Variants in ST7 observed in about 807,000 individuals in gnomAD.
ST7 encodes suppressor of tumorigenicity 7 protein.
In ST7, 28 loss-of-function variants were observed where a neutral mutation model predicts 78.7. The observed-to-expected ratio is 0.36, with a 90% confidence interval of 0.26 to 0.49. The LOEUF (loss-of-function observed/expected upper bound fraction) is 0.49, where lower values mean the gene tolerates loss of function less well. Among genes scored for constraint, ST7 ranks in the 20% least tolerant of loss-of-function variants. The pLI, the probability that ST7 is intolerant of heterozygous loss-of-function variation, is 0.99. For missense variants in ST7, 418 were observed against 696.0 expected, an observed-to-expected ratio of 0.60 and a Z score of 4.49; for synonymous variants, 247 against 249.6, an observed-to-expected ratio of 0.99 and a Z score of 0.10.
chr7:116,970,960 A>G (rs1267548684), intron 1 of ST7, among the ~76,000 whole-genome samples: 2 of 152,308 alleles, frequency 1.3e-5, no homozygotes, highest in East Asian at 3.9e-4. Flanking sequence ...AAACAGTTGC[A>G]CTATTGATTT....
intron 6 of ST7, 55 bp downstream of exon 6, chr7:117,132,015 T>G: frequency 6.7e-7 from 1 of 1,500,614 alleles, no homozygotes; most frequent in Non-Finnish European, 9.2e-7. Flanking sequence ...TTGCTGAATA[T>G]ATTCAGTTGC....
chr7:117,069,738 G>A (rs567048626), intron 1 of ST7, among the ~76,000 whole-genome samples: 1 of 152,260 alleles, frequency 6.6e-6, no homozygotes, highest in Non-Finnish European at 1.5e-5. Flanking sequence ...TGGTTTATGG[G>A]TTACCAGAGT....
chr7:117,150,206 T>C (rs759071738), intron 9 of ST7, among the ~76,000 whole-genome samples: 1 of 152,146 alleles, frequency 6.6e-6, no homozygotes, highest in Admixed American at 6.5e-5. Context: ...TTAAACCCAG[T>C]CTTGTTCTCT....
chr7:116,986,505 T>C (rs981042565), intron 1 of ST7, among the ~76,000 whole-genome samples: 1 of 152,248 alleles, frequency 6.6e-6, no homozygotes, highest in South Asian at 2.1e-4. Flanking sequence ...TTTCTGAGAA[T>C]GCCACTGTAA....
At chr7:117,168,003 T>C (rs1377774974) in intron 9 of ST7, among the ~76,000 whole-genome samples, 2 of 152,130 alleles carry the variant, frequency 1.3e-5, no homozygotes, top group Admixed American at 6.6e-5. Context: ...GATAGCTTGT[T>C]TGAGGAGCCG....
intron 1 of ST7, among the ~76,000 whole-genome samples, chr7:116,991,699 T>A (rs1794438156): frequency 6.6e-6 from 1 of 152,122 alleles, no homozygotes. Context: ...GTCCTCACAT[T>A]TCAAAACCAA....
At chr7:117,139,021 A>G (rs79862395) in intron 9 of ST7, among the ~76,000 whole-genome samples, 11,327 of 152,224 alleles carry the variant, frequency 0.074, 509 homozygotes, top group Middle Eastern at 0.15. Context: ...AGTTAATCCT[A>G]TTGTAGTTGT....
At chr7:117,059,135 A>G (rs1357017801) in intron 1 of ST7, among the ~76,000 whole-genome samples, 1 of 152,222 alleles carries the variant, frequency 6.6e-6, no homozygotes, top group Non-Finnish European at 1.5e-5. Flanking sequence ...CAGCACAATG[A>G]GGTGACCATA....
rs190245884 is a variant in ST7, at chr7:117,067,480, C to T, written c.152-32282C>T. 2.0e-4 allele frequency among the ~76,000 whole-genome samples: 31 copies of T among 152,044 alleles called. 1 individual carries two copies. The highest frequency in any genetic ancestry group is 9.7e-4 in the East Asian group (5 of 5,168). ...CAAGGAAAAGTAGGGGTTTTATAGC[C>T]AGGGAGCAGGGTGGGTAGGTGTGTG... On this transcript the variant is annotated intron_variant, in intron 1 of 15. Coordinates refer to ENST00000323984, the MANE Select transcript of ST7 (RefSeq NM_001369598.1).
chr7:117,002,918 G>C (rs766447164), intron 1 of ST7, among the ~76,000 whole-genome samples: 1 of 141,896 alleles, frequency 7.0e-6, no homozygotes, highest in Non-Finnish European at 1.5e-5. Context: ...TGCCTCCCAG[G>C]TTCAAGCAAT....
At chr7:117,130,720 G>T (rs1584744254) in intron 5 of ST7, 114 bp downstream of exon 5, 1 of 658,668 alleles carries the variant, frequency 1.5e-6, no homozygotes, top group East Asian at 3.0e-5. Context: ...ATATTAAATT[G>T]TTGATTGACT....
chr7:117,153,248 G>A (rs1806430609), intron 9 of ST7, among the ~76,000 whole-genome samples: 1 of 152,150 alleles, frequency 6.6e-6, no homozygotes. Context: ...ATGGATGGGT[G>A]GGCAGGAGGA....
chr7:117,078,191 A>G (rs1416087018), intron 1 of ST7, among the ~76,000 whole-genome samples: 1 of 152,242 alleles, frequency 6.6e-6, no homozygotes. Context: ...GACAGAGAGA[A>G]GAACTCATAG....
rs1392842601 is a variant in ST7, at chr7:117,219,772, G to A, written c.1498+596G>A. Reference sequence around the variant, plus strand: ...CACACGTGTAGCCTCAGCACTGTATGAAAGCACACAAAAGAAAACCCTGCC... The same window carrying A: ...CACACGTGTAGCCTCAGCACTGTATAAAAGCACACAAAAGAAAACCCTGCC... On this transcript the variant is annotated intron_variant, in intron 14 of 15. Coordinates refer to ENST00000323984, the MANE Select transcript of ST7 (RefSeq NM_001369598.1). This position sits in a 1 kb window ranked among gnomAD's most constrained non-coding sequence, Gnocchi z 5.1. 6.6e-6 allele frequency among the ~76,000 whole-genome samples: 1 copy of A among 152,208 alleles called. No individual in the cohort carries two copies. Among genetic ancestry groups the A allele is most frequent in the African/African-American group, 2.4e-5 (1 of 41,446 alleles).
intron 1 of ST7, among the ~76,000 whole-genome samples, chr7:117,063,878 T>G (rs1798488882): frequency 6.6e-6 from 1 of 152,228 alleles, no homozygotes; most frequent in African/African-American, 2.4e-5. Flanking sequence ...TTAATACCAG[T>G]ATGTGCCATT....
At chr7:117,212,748 A>G (rs890314429) in intron 13 of ST7, among the ~76,000 whole-genome samples, 2 of 152,208 alleles carry the variant, frequency 1.3e-5, no homozygotes, top group African/African-American at 4.8e-5. Flanking sequence ...ATAAATATGC[A>G]TATGTATATA....
chr7:117,225,034 C>T lies in ST7; in HGVS notation c.1638+2972C>T, dbSNP rs544938190. On this transcript the variant is annotated intron_variant, in intron 15 of 15. Transcript: ENST00000323984. ...GTTGTCAAGCACTCCCCTGGTGATG[C>T]GGATGTACAACCAGTGTATTGAATA... 2.9e-4 allele frequency among the ~76,000 whole-genome samples: 44 copies of T among 152,250 alleles called. 1 individual carries two copies. The highest frequency in any genetic ancestry group is 9.2e-4 in the African/African-American group (38 of 41,530).
intron 1 of ST7, among the ~76,000 whole-genome samples, chr7:117,035,119 GTTT>G (rs61562340): frequency 0.95 from 128,590 of 135,834 alleles, 60,875 homozygotes; most frequent in East Asian, 0.98. Context: ...AAGCTGGGCA[GTTT>G]TTTTTTTTTT....
chr7:117,181,788 A>T (rs1440394195), intron 10 of ST7, among the ~76,000 whole-genome samples: 1 of 152,182 alleles, frequency 6.6e-6, no homozygotes, highest in African/African-American at 2.4e-5. Context: ...CACAGATGAG[A>T]TAGTGGATAT....
Sources: allele counts gnomAD v4.1 joint callset (sites outside exome capture counted in the v4.1 genomes callset), GRCh38; gene constraint gnomAD v4.1.1; non-coding constraint Gnocchi (gnomAD v3.1); transcripts MANE v1.5; gene names NCBI Gene and HGNC (gene_info 2026-07-23, HGNC 2026-07-21).